Variants in RANBP2 observed in about 807,000 individuals in gnomAD.
RANBP2 encodes the protein RAN binding protein 2, also known as E3 SUMO-protein ligase RanBP2.
A neutral mutation model predicts 303.6 loss-of-function variants in RANBP2; 57 were observed. That is an observed-to-expected ratio of 0.19 (90% CI 0.15 to 0.23). RANBP2 has a LOEUF of 0.23. Ranked by LOEUF, RANBP2 falls within the 10% of genes least tolerant of loss-of-function variation. The probability of loss-of-function intolerance (pLI) is 1.00; values close to 1 mark genes in which losing one functional copy is unlikely to be tolerated. For missense variants in RANBP2, 3,138 were observed against 3,780.8 expected, an observed-to-expected ratio of 0.83 and a Z score of 4.46; for synonymous variants, 1,167 against 1,301.5, an observed-to-expected ratio of 0.90 and a Z score of 2.23.
the RANBP2 span, among the ~76,000 whole-genome samples, chr2:108,889,542 CTTT>C: frequency 6.7e-6 from 1 of 149,972 alleles, no homozygotes; most frequent in African/African-American, 2.5e-5. Context: ...ATATAATAAC[CTTT>C]TTTTCTTTTC....
chr2:109,218,543 C>G, the RANBP2 span, among the ~76,000 whole-genome samples: 3 of 152,140 alleles, frequency 2.0e-5, no homozygotes, highest in African/African-American at 4.8e-5. Context: ...TGCCTTCTGA[C>G]CACAAAATCA....
the RANBP2 span, among the ~76,000 whole-genome samples, chr2:109,091,621 G>A: frequency 5.9e-5 from 9 of 152,144 alleles, no homozygotes; most frequent in Non-Finnish European, 1.0e-4. Context: ...AGCTTGTCCC[G>A]GATTGCCCCT....
chr2:109,491,012 A>T, the RANBP2 span: 1 of 1,330,410 alleles, frequency 7.5e-7, no homozygotes, highest in Non-Finnish European at 9.8e-7. Flanking sequence ...TTCGGGGAGC[A>T]GGGACACTGT....
At chr2:109,288,354 G>A in the RANBP2 span, among the ~76,000 whole-genome samples, 1 of 152,188 alleles carries the variant, frequency 6.6e-6, no homozygotes, top group East Asian at 1.9e-4. Context: ...ATGTATTAGG[G>A]AACAGGAACA....
the RANBP2 span, among the ~76,000 whole-genome samples, chr2:109,499,608 C>CT: frequency 3.3e-5 from 5 of 152,060 alleles, no homozygotes; most frequent in Non-Finnish European, 4.4e-5. Context: ...CTGTCAGACT[C>CT]TAAGCATAAG....
the RANBP2 span, among the ~76,000 whole-genome samples, chr2:109,646,092 G>A: frequency 5.3e-5 from 8 of 152,146 alleles, no homozygotes; most frequent in African/African-American, 1.9e-4. Context: ...CCGGCATTTG[G>A]TCCTTCTGAG....
chr2:109,534,509 G>A, the RANBP2 span, among the ~76,000 whole-genome samples: 3 of 152,200 alleles, frequency 2.0e-5, no homozygotes, highest in Admixed American at 6.5e-5. Context: ...GCTGGACACC[G>A]TGGCTCACAC....
chr2:108,781,563 A>G, intron 26 of RANBP2, 134 bp downstream of exon 26: 1 of 782,424 alleles, frequency 1.3e-6, no homozygotes, highest in Non-Finnish European at 2.1e-6. Flanking sequence ...TCTATTTATT[A>G]GATGTCTAGC....
chr2:108,907,835 A>G, the RANBP2 span: 1 of 1,613,236 alleles, frequency 6.2e-7, no homozygotes, highest in Non-Finnish European at 8.5e-7. Flanking sequence ...CTCACAGCTC[A>G]TCATGGCACC....
chr2:109,110,690 G>A, the RANBP2 span, among the ~76,000 whole-genome samples: 2 of 152,232 alleles, frequency 1.3e-5, no homozygotes, highest in Admixed American at 6.5e-5. Context: ...TGGGACAGAG[G>A]CGGCAGGCCA....
the RANBP2 span, among the ~76,000 whole-genome samples, chr2:109,322,620 G>T: frequency 6.6e-6 from 1 of 152,244 alleles, no homozygotes; most frequent in African/African-American, 2.4e-5. Flanking sequence ...GTAGTCGCCA[G>T]TCAAATGTCA....
the RANBP2 span, among the ~76,000 whole-genome samples, chr2:109,723,263 T>C: frequency 6.6e-6 from 1 of 152,202 alleles, no homozygotes; most frequent in Non-Finnish European, 1.5e-5. Context: ...GCTGTTCTAC[T>C]GCCTCAGCCT....
At chr2:109,029,732 C>T in the RANBP2 span, among the ~76,000 whole-genome samples, 1 of 152,204 alleles carries the variant, frequency 6.6e-6, no homozygotes, top group Non-Finnish European at 1.5e-5. Context: ...AGCTGCAGGA[C>T]AGGGCCCCCC....
the RANBP2 span, among the ~76,000 whole-genome samples, chr2:109,697,286 T>G: frequency 6.6e-6 from 1 of 152,120 alleles, no homozygotes; most frequent in Non-Finnish European, 1.5e-5. Flanking sequence ...GGTTGGGAGT[T>G]CGAGACCAGC....
chr2:109,098,663 C>CTA, the RANBP2 span, among the ~76,000 whole-genome samples: 1 of 152,204 alleles, frequency 6.6e-6, no homozygotes, highest in Non-Finnish European at 1.5e-5. Context: ...TTGCCCAATC[C>CTA]TATAGTCACA....
chr2:108,859,381 A>G, the RANBP2 span, among the ~76,000 whole-genome samples: 10 of 152,188 alleles, frequency 6.6e-5, no homozygotes, highest in African/African-American at 1.9e-4. Context: ...TTCTTTTGCT[A>G]TGCTGAAGCT....
chr2:109,450,780 G>T, the RANBP2 span, among the ~76,000 whole-genome samples: 1 of 152,196 alleles, frequency 6.6e-6, no homozygotes, highest in Non-Finnish European at 1.5e-5. Context: ...TGGGTGCTGG[G>T]CAAGGAGCCA....
At chr2:109,239,202 C>T in the RANBP2 span, among the ~76,000 whole-genome samples, 2 of 152,056 alleles carry the variant, frequency 1.3e-5, no homozygotes, top group Admixed American at 1.3e-4. Context: ...CTGCACAGTG[C>T]TCCGAAAAGA....
the RANBP2 span, chr2:108,798,579 T>C: frequency 6.2e-6 from 10 of 1,604,514 alleles, no homozygotes; most frequent in Non-Finnish European, 8.5e-6. Context: ...TTTCAAATTA[T>C]AAAAGAGGTA....
Sources: allele counts gnomAD v4.1 joint callset (sites outside exome capture counted in the v4.1 genomes callset), GRCh38; gene constraint gnomAD v4.1.1; transcripts MANE v1.5; gene names NCBI Gene and HGNC (gene_info 2026-07-23, HGNC 2026-07-21).